Variants in DDX19B observed in about 807,000 individuals in gnomAD.
DDX19B encodes DEAD-box helicase 19B, also known as ATP-dependent RNA helicase DDX19B.
A neutral mutation model predicts 58.1 loss-of-function variants in DDX19B; 27 were observed. The ratio of observed to expected loss-of-function variants is 0.46; its 90% CI spans 0.34 to 0.64. The LOEUF is 0.64. Ranked by LOEUF, DDX19B falls within the 30% of genes least tolerant of loss-of-function variation. The probability of loss-of-function intolerance (pLI) is 0.01; values close to 1 mark genes in which losing one functional copy is unlikely to be tolerated. For synonymous variants in DDX19B, 187 were observed against 214.4 expected (o/e 0.87, Z 1.12); for missense variants, 399 against 596.5 (o/e 0.67, Z 3.45).
intron 5 of DDX19B, among the ~76,000 whole-genome samples, chr16:70,321,016 G>A (rs1267625020): frequency 1.4e-5 from 2 of 147,422 alleles, no homozygotes; most frequent in Non-Finnish European, 3.0e-5. Context: ...AGGCTGGAGT[G>A]CAATGGCGCG....
intron 5 of DDX19B, among the ~76,000 whole-genome samples, chr16:70,322,903 A>T (rs1962924627): frequency 6.6e-6 from 1 of 150,590 alleles, no homozygotes; most frequent in Non-Finnish European, 1.5e-5. Context: ...AAAAAAAAAA[A>T]AAAAAAAAAA....
intron 7 of DDX19B, among the ~76,000 whole-genome samples, chr16:70,326,050 T>G (rs982902474): frequency 6.6e-6 from 1 of 152,230 alleles, no homozygotes; most frequent in Non-Finnish European, 1.5e-5. Context: ...TCGACCAAGA[T>G]CAAGTTAGCG....
At chr16:70,298,571 C>T (rs538449389), upstream of DDX19B, among the ~76,000 whole-genome samples, 39 of 152,172 alleles carry the variant, frequency 2.6e-4, no homozygotes, top group African/African-American at 8.9e-4. Context: ...TCACTGCAGC[C>T]TAGACCTCCT....
intron 4 of DDX19B, among the ~76,000 whole-genome samples, chr16:70,316,735 A>G (rs562039071): frequency 6.6e-6 from 1 of 152,296 alleles, no homozygotes; most frequent in African/African-American, 2.4e-5. Context: ...TAGCTGTACT[A>G]ACATGTATTC....
intron 7 of DDX19B, among the ~76,000 whole-genome samples, chr16:70,328,825 C>A (rs1466549822): frequency 6.6e-6 from 1 of 152,014 alleles, no homozygotes; most frequent in African/African-American, 2.4e-5. Context: ...GATATCCTAA[C>A]CTTTCCTTAA....
At chr16:70,316,126 G>C in intron 4 of DDX19B, 22 bp downstream of exon 4, 2 of 1,613,700 alleles carry the variant, frequency 1.2e-6, no homozygotes, top group Non-Finnish European at 1.7e-6. Context: ...TTCACCTTCT[G>C]ACTCTTCCCC....
At chr16:70,303,135 G>C (rs566217299) in intron 1 of DDX19B, among the ~76,000 whole-genome samples, 13 of 152,002 alleles carry the variant, frequency 8.6e-5, no homozygotes, top group Middle Eastern at 3.5e-3. Flanking sequence ...TCTGTTTTTT[G>C]TTTTTGTTTT....
upstream of DDX19B, among the ~76,000 whole-genome samples, chr16:70,297,025 C>A (rs947684339): frequency 1.3e-5 from 2 of 152,100 alleles, no homozygotes; most frequent in East Asian, 3.8e-4. Context: ...AAGCGATTCT[C>A]CTGCCTCAGC....
chr16:70,329,294 G>A lies in DDX19B; in HGVS notation c.610G>A (p.Glu204Lys). Residue 204 changes from glutamate to lysine, a missense_variant and splice_region_variant, in exon 8 of 12, where the codon GAA becomes AAA. Glu to Lys is a moderately conservative substitution (Grantham distance 56). Transcript: ENST00000288071. ...AAAACATCTTGGGGTCTCCACAGTG[G>A]AAAGAGGCCAGAAGATCAGTGAGCA... ...LAYAVRGNKL[E>K]RGQKISEQIV... is the part of the protein sequence containing the mutation. 6.2e-7 allele frequency: 1 copy of A among 1,613,738 alleles called. No homozygotes were observed.
intron 3 of DDX19B, 109 bp from the exon 4 acceptor site, chr16:70,315,860 G>T: frequency 7.3e-7 from 1 of 1,373,404 alleles, no homozygotes; most frequent in Non-Finnish European, 9.7e-7. Flanking sequence ...CCTTGAATTT[G>T]AATGTTCAGT....
upstream of DDX19B, chr16:70,294,866 C>T (rs942956701): frequency 2.6e-6 from 4 of 1,523,952 alleles, no homozygotes; most frequent in Non-Finnish European, 3.5e-6. Flanking sequence ...CTGCCGGGCG[C>T]GTCCAAGATC....
intron 1 of DDX19B, among the ~76,000 whole-genome samples, chr16:70,311,101 T>C (rs1286104293): frequency 6.9e-6 from 1 of 145,218 alleles, no homozygotes; most frequent in African/African-American, 2.6e-5. Flanking sequence ...AGGCCGGGCG[T>C]GGCAGCTCAT....
chr16:70,322,753 G>A (rs531770072), intron 5 of DDX19B, among the ~76,000 whole-genome samples: 3 of 152,030 alleles, frequency 2.0e-5, no homozygotes, highest in East Asian at 1.9e-4. Context: ...TTAGCCAGAC[G>A]TGGTGGCAGG....
At chr16:70,311,095 C>T (rs1962066676) in intron 1 of DDX19B, among the ~76,000 whole-genome samples, 2 of 151,020 alleles carry the variant, frequency 1.3e-5, no homozygotes, top group Admixed American at 6.6e-5. Flanking sequence ...CTAGAAAGGC[C>T]GGGCGTGGCA....
upstream of DDX19B, among the ~76,000 whole-genome samples, chr16:70,293,597 A>ATTTTTTTTTTTTT (rs71151182): frequency 1.1e-3 from 86 of 77,014 alleles, 6 homozygotes; most frequent in Middle Eastern, 8.9e-3. Flanking sequence ...GGATGGCTGA[A>ATTTTTTTTTTTTT]TTTTTTTTTT....
At chr16:70,315,062 C>A in intron 3 of DDX19B, 107 bp downstream of exon 3, 2 of 1,170,898 alleles carry the variant, frequency 1.7e-6, no homozygotes, top group African/African-American at 1.5e-5. Context: ...CTTTAATAGG[C>A]GATACAGTGC....
chr16:70,314,938 C>T lies in DDX19B; in HGVS notation c.143C>T (p.Thr48Ile). 1.2e-6 allele frequency: 2 copies of T among 1,608,846 alleles called. No individual in the cohort carries two copies. The highest frequency in any genetic ancestry group is 1.7e-6 in the Non-Finnish European group (2 of 1,176,636). Reference sequence around the variant, plus strand: ...AAGACCAATGCCAATGCAGAGAAGACAGATGAAGAAGAGAAAGGTAACACA... The same window carrying T: ...AAGACCAATGCCAATGCAGAGAAGATAGATGAAGAAGAGAAAGGTAACACA... ...VVKTNANAEK[T>I]DEEEKEDRAA... is the part of the protein sequence containing the mutation. Residue 48 changes from threonine to isoleucine, a missense_variant, in exon 3 of 12, where the codon ACA becomes ATA. Thr to Ile is a moderately conservative substitution (Grantham distance 89). Around this residue, in one of 4 missense-constraint regions of DDX19B, gnomAD observed 132 missense variants for 159.4 expected, o/e 0.83. Transcript: ENST00000288071.
upstream of DDX19B, among the ~76,000 whole-genome samples, chr16:70,290,642 T>G (rs975758448): frequency 6.6e-6 from 1 of 152,184 alleles, no homozygotes; most frequent in Non-Finnish European, 1.5e-5. Flanking sequence ...GAGGCTGCAG[T>G]GAGCCCTGAT....
upstream of DDX19B, among the ~76,000 whole-genome samples, chr16:70,293,099 TAAA>T (rs1961101754): frequency 2.0e-5 from 3 of 148,958 alleles, no homozygotes; most frequent in African/African-American, 7.5e-5. Flanking sequence ...TAAATTAAAT[TAAA>T]TTTAAAAAAT....
Sources: gnomAD v4.1 joint callset for allele counts (sites outside exome capture counted in the v4.1 genomes callset) on GRCh38, gnomAD v4.1.1 for gene constraint, gnomAD v4.1.1 regional missense constraint, MANE v1.5 for transcripts, NCBI Gene and HGNC (gene_info 2026-07-23, HGNC 2026-07-21) for gene names.